The following MYO18A variants were observed in gnomAD, a reference collection of about 807,000 sequenced individuals.
MYO18A encodes myosin XVIIIA, also known as unconventional myosin-XVIIIa.
In MYO18A, 78 loss-of-function variants were observed where a neutral mutation model predicts 235.8. That is an observed-to-expected ratio of 0.33 (90% CI 0.28 to 0.40). The LOEUF (loss-of-function observed/expected upper bound fraction) is 0.40, where lower values mean the gene tolerates loss of function less well. MYO18A is among the 10% of genes least tolerant of loss of function. The probability of loss-of-function intolerance (pLI) is 1.00; values close to 1 mark genes in which losing one functional copy is unlikely to be tolerated. For missense variants in MYO18A, 2,215 were observed against 2,699.3 expected, an observed-to-expected ratio of 0.82 and a Z score of 3.98; for synonymous variants, 977 against 1,077.8, an observed-to-expected ratio of 0.91 and a Z score of 1.83.
intron 1 of MYO18A, among the ~76,000 whole-genome samples, chr17:29,172,900 A>G (rs868245567): frequency 7.9e-5 from 12 of 152,332 alleles, no homozygotes; most frequent in Middle Eastern, 3.4e-3. Context: ...GCCATCAAAC[A>G]TGAACAGGTA....
intron 20 of MYO18A, among the ~76,000 whole-genome samples, chr17:29,105,690 C>T (rs973732402): frequency 6.6e-5 from 10 of 151,860 alleles, no homozygotes; most frequent in African/African-American, 1.9e-4. Flanking sequence ...GAAGGTGGGG[C>T]GGGGAGGATT....
chr17:29,094,616 A>T, intron 30 of MYO18A, 34 bp downstream of exon 30: 1 of 1,607,438 alleles, frequency 6.2e-7, no homozygotes, highest in South Asian at 1.1e-5. Flanking sequence ...GCCTCGCTGC[A>T]CCTCACCTCT....
rs1383692726 is a variant in MYO18A, at chr17:29,166,310, C to T, written c.631G>A (p.Val211Met). ...FPVDLRLPPV[V>M]PLPPPTLREL... is the part of the protein sequence containing the mutation. ...CGGAGGGTAGGTGGGGGCAGGGGCA[C>T]CACGGGGGGCAGGCGCAGGTCGACT... The change falls in exon 2 of 42, where the codon GTG becomes ATG. Residue 211 changes from valine (V) to methionine (M), a missense_variant. Transcript: ENST00000527372. The T allele has an allele frequency of 6.2e-7, 1 of 1,612,578 alleles. No individual in the cohort carries two copies. Among genetic ancestry groups the T allele is most frequent in the African/African-American group, 1.3e-5 (1 of 75,042 alleles).
Position 29,082,333 on chromosome 17 carries a change from G to A in MYO18A, c.6003C>T (p.Gly2001=), listed in dbSNP as rs921397369. ...ATGCTCACCTGGAACTCTTTAAGCT[G>A]CCATCATCAGAAGCTGCCTTGGAAG... The part of the protein sequence containing the change: ...KGPSKAASDD[G]SLKSSSPTSY... The change falls in exon 41 of 42, where the codon GGC becomes GGT. Residue 2001 remains glycine, a synonymous_variant. Transcript: ENST00000527372. 5 of 1,613,846 alleles carry A rather than the reference G, an allele frequency of 3.1e-6. No homozygotes were observed. Among genetic ancestry groups the A allele is most frequent in the African/African-American group, 2.7e-5 (2 of 74,948 alleles).
chr17:29,133,693 A>C, intron 2 of MYO18A: 1 of 818,610 alleles, frequency 1.2e-6, no homozygotes, highest in Non-Finnish European at 1.8e-6. Flanking sequence ...GCCCCAATCC[A>C]TCTCTAGCTT....
chr17:29,110,548 T>A lies in MYO18A; in HGVS notation c.2975A>T (p.Glu992Val), dbSNP rs35001847. 75 of 1,611,890 alleles carry A rather than the reference T, an allele frequency of 4.7e-5. No individual in the cohort carries two copies. Among genetic ancestry groups the A allele is most frequent in the Non-Finnish European group, 6.1e-5 (72 of 1,179,276 alleles). The change falls in exon 18 of 42, where the codon GAG becomes GTG. Residue 992 changes from glutamate to valine, a missense_variant. By Grantham distance (121) the Glu-to-Val change is moderately radical. Transcript: ENST00000527372. Reference protein sequence around the residue: ...TVLSGSIAGLEGGSQLALRRA... With the variant: ...TVLSGSIAGLVGGSQLALRRA... ...GCGCAGTGCCAGCTGCGAGCCGCCC[T>A]CCAGGCCCGCGATGGAGCCAGAGAG... is the stretch of plus-strand genomic sequence containing the variant.
In MYO18A at chr17:29,147,879, G is replaced by A. The variant is rs1197048856; in HGVS notation, c.999+18063C>T. Among the ~76,000 whole-genome samples, 3 of 132,848 alleles carry A rather than the reference G, an allele frequency of 2.3e-5. No individual in the cohort carries two copies. In the Admixed American group the frequency reaches 2.3e-4, roughly 10 times the overall value. 87.2% of individuals were successfully genotyped at this position (132,848 alleles called of 152,430 possible). A position where few individuals can be genotyped will look rare whatever the true frequency, so the allele number is the denominator to read the frequency against. On this transcript the variant is annotated intron_variant, in intron 2 of 41. Transcript: ENST00000527372. ...GCTACGACCATGCCACTGCACTCCA[G>A]CCTGGGTGACAAAAAAAAAAAAAAA... is the stretch of plus-strand genomic sequence containing the variant.
intron 1 of MYO18A, among the ~76,000 whole-genome samples, chr17:29,172,497 AT>A (rs1294383367): frequency 6.6e-6 from 1 of 152,140 alleles, no homozygotes; most frequent in Non-Finnish European, 1.5e-5. Flanking sequence ...ATGAAAAAAA[AT>A]ATGAGTAAAT....
At chr17:29,136,534 T>A (rs1299111902) in intron 2 of MYO18A, among the ~76,000 whole-genome samples, 1 of 152,128 alleles carries the variant, frequency 6.6e-6, no homozygotes, top group East Asian at 1.9e-4. Flanking sequence ...TACAATGAGA[T>A]GGGCCCTATA....
rs188124297 is a variant in MYO18A at position 29,139,101 on chromosome 17, C to G, written c.1000-16848G>C. 2.6e-5 allele frequency among the ~76,000 whole-genome samples: 4 copies of G among 152,304 alleles called. No individual in the cohort carries two copies. The East Asian group carries it at 5.8e-4, about 22-fold the overall frequency. Reference sequence around the variant, plus strand: ...GCCTCCAGCCAGAGCCCTCCCCAGCCCCAGGGCGGAACAGAAAGCAGCCGG... The same window carrying G: ...GCCTCCAGCCAGAGCCCTCCCCAGCGCCAGGGCGGAACAGAAAGCAGCCGG... On this transcript the variant is annotated intron_variant, in intron 2 of 41. Coordinates refer to ENST00000527372, the MANE Select transcript of MYO18A (RefSeq NM_078471.4).
At chr17:29,107,582 C>CA (rs1598313483) in intron 19 of MYO18A, 1 of 108,128 alleles carries the variant, frequency 9.2e-6, no homozygotes, top group Non-Finnish European at 1.8e-5. Context: ...ATAACCCAGA[C>CA]AAAATAATGT....
intron 2 of MYO18A, 43 bp downstream of exon 2, chr17:29,165,899 T>G (rs186020721): frequency 6.4e-7 from 1 of 1,564,584 alleles, no homozygotes; most frequent in African/African-American, 1.4e-5. Flanking sequence ...GGTGCCCACA[T>G]TCCCCATCCC....
chr17:29,099,029 C>A, intron 22 of MYO18A, 60 bp from the exon 23 acceptor site: 3 of 1,598,286 alleles, frequency 1.9e-6, no homozygotes, highest in Non-Finnish European at 2.6e-6. Flanking sequence ...CCAAGCTCGG[C>A]CCAGGATCCT....
At chr17:29,150,977 G>A (rs1393181429) in intron 2 of MYO18A, among the ~76,000 whole-genome samples, 1 of 152,218 alleles carries the variant, frequency 6.6e-6, no homozygotes, top group East Asian at 1.9e-4. Context: ...AAGAAAGGAG[G>A]AGAGAGGGGG....
chr17:29,159,657 C>G (rs1454603496), intron 2 of MYO18A, among the ~76,000 whole-genome samples: 2 of 152,202 alleles, frequency 1.3e-5, no homozygotes, highest in African/African-American at 2.4e-5. Flanking sequence ...CCAAACCCGG[C>G]CTGGCAGACC....
chr17:29,083,062 CAG>C, intron 40 of MYO18A, among the ~76,000 whole-genome samples: 1 of 129,268 alleles, frequency 7.7e-6, no homozygotes, highest in East Asian at 2.2e-4. Context: ...TCTTAAGAAA[CAG>C]AGAAAGGAAA....
Position 29,166,292 on chromosome 17 carries a change from T to C in MYO18A, c.649A>G (p.Thr217Ala). ...LPPVVPLPPP[T>A]LRELELQRRP... ...CGTTGCAGCTCCAGCTCCCGGAGGG[T>C]AGGTGGGGGCAGGGGCACCACGGGG... The change falls in exon 2 of 42, where the codon ACC becomes GCC. Residue 217 changes from threonine to alanine, a missense_variant. Physicochemically the swap from Thr to Ala is moderately conservative, Grantham distance 58. Coordinates refer to ENST00000527372, the MANE Select transcript of MYO18A (RefSeq NM_078471.4). The C allele has an allele frequency of 1.2e-6, 2 of 1,612,512 alleles. No homozygotes were observed. The highest frequency in any genetic ancestry group is 1.7e-6 in the Non-Finnish European group (2 of 1,179,798).
In MYO18A at chr17:29,074,581, C is replaced by A; in HGVS notation, c.*189G>T. 1 of 633,714 alleles carries A rather than the reference C, an allele frequency of 1.6e-6. No homozygotes were observed. The highest frequency in any genetic ancestry group is 1.8e-5 in the African/African-American group (1 of 54,578). 39.3% of individuals were successfully genotyped at this position (633,714 alleles called of 1,614,324 possible). On this transcript the variant is annotated 3_prime_UTR_variant, in exon 42 of 42. Transcript: ENST00000527372. The surrounding 1 kb of genome is among the most constrained non-coding windows in gnomAD (Gnocchi z 4.4). The stretch of plus-strand genomic sequence containing the variant: ...GTTCTCTTCAGAAACTCCTCTTTCC[C>A]CCACCTCTTCCACGTGGAGACATCA...
In MYO18A at chr17:29,120,578, T is replaced by C. The variant is rs2152855408; in HGVS notation, c.1728+38A>G. 1.3e-6 allele frequency: 2 copies of C among 1,596,412 alleles called. No homozygotes were observed. Among genetic ancestry groups the C allele is most frequent in the South Asian group, 1.1e-5 (1 of 88,370 alleles). ...GTCTAGGTCATGAAATCATGTGGCC[T>C]GTGTCCTACTACCCCGAGTCCTGGG... On this transcript the variant is annotated intron_variant, in intron 7 of 41. Transcript: ENST00000527372. This position sits in a 1 kb window ranked among gnomAD's most constrained non-coding sequence, Gnocchi z 4.2.
Sources: gnomAD v4.1 joint callset for allele counts (sites outside exome capture counted in the v4.1 genomes callset) on GRCh38, gnomAD v4.1.1 for gene constraint, Gnocchi (gnomAD v3.1) non-coding constraint, MANE v1.5 for transcripts, NCBI Gene and HGNC (gene_info 2026-07-23, HGNC 2026-07-21) for gene names.